Variants in CNTRL observed in about 807,000 individuals in gnomAD.
CNTRL encodes centriolin, also known as 110 kDa centrosomal protein.
A neutral mutation model predicts 303.7 loss-of-function variants in CNTRL; 233 were observed. That is an observed-to-expected ratio of 0.77 (90% confidence interval 0.69 to 0.86). CNTRL has a LOEUF of 0.86. CNTRL is among the 40% of genes least tolerant of loss of function. CNTRL has a pLI of 0.00. For synonymous variants in CNTRL, 900 were observed against 922.2 expected (o/e 0.98, Z 0.44); for missense variants, 2,524 against 2,650.6 (o/e 0.95, Z 1.05).
chr9:121,120,006 T>G (rs1224490915), intron 12 of CNTRL, among the ~76,000 whole-genome samples: 1 of 152,176 alleles, frequency 6.6e-6, no homozygotes, highest in Non-Finnish European at 1.5e-5. Flanking sequence ...CAGGCTCTTG[T>G]CTCTGTCTCT....
rs897335719 is a variant in CNTRL at position 121,142,035 on chromosome 9, T to G, written c.2692-56T>G. The G allele has an allele frequency of 1.3e-5, 18 of 1,412,560 alleles. No homozygotes were observed. In the Admixed American group the frequency reaches 4.7e-4, roughly 37 times the overall value. 87.5% of individuals were successfully genotyped at this position (1,412,560 alleles called of 1,614,324 possible). Reference sequence around the variant, plus strand: ...TGATAATTCTATAAAAAGTTTTTATTTTGCTTAAAACATATTTTGCCTAAA... The same window carrying G: ...TGATAATTCTATAAAAAGTTTTTATGTTGCTTAAAACATATTTTGCCTAAA... On this transcript the variant is annotated intron_variant, in intron 18 of 43. Transcript: ENST00000373855.
chr9:121,115,463 T>G (rs1254789696), intron 11 of CNTRL, among the ~76,000 whole-genome samples: 1 of 152,152 alleles, frequency 6.6e-6, no homozygotes. Context: ...AGAAGTTGCT[T>G]CCTGATCTAT....
intron 10 of CNTRL, 26 bp from the exon 11 acceptor site, chr9:121,115,065 T>G: frequency 1.4e-5 from 19 of 1,388,100 alleles, no homozygotes; most frequent in Non-Finnish European, 1.9e-5. Context: ...TTTCATATTA[T>G]GTGAGCATGG....
Position 121,098,539 on chromosome 9 carries a change from G to A in CNTRL, c.775G>A (p.Asp259Asn). The part of the protein sequence containing the change: ...SLEGQPVTTQ[D>N]RQEAFERFSL... ...GGAAGGTCAGCCAGTAACCACTCAGGATAGACAGGAGGCTTTTGAGAGATT... is the reference window on the plus strand; with the variant it reads ...GGAAGGTCAGCCAGTAACCACTCAGAATAGACAGGAGGCTTTTGAGAGATT... The change falls in exon 7 of 44, where the codon GAT becomes AAT. Residue 259 changes from aspartate to asparagine, a missense_variant. Physicochemically the swap from Asp to Asn is conservative, Grantham distance 23 (BLOSUM62 1). Coordinates refer to ENST00000373855, the MANE Select transcript of CNTRL (RefSeq NM_007018.6). 6.2e-7 allele frequency: 1 copy of A among 1,610,232 alleles called. No homozygotes were observed. Among genetic ancestry groups the A allele is most frequent in the Non-Finnish European group, 8.5e-7 (1 of 1,178,814 alleles).
chr9:121,090,326 A>C lies in CNTRL; in HGVS notation c.269A>C (p.Lys90Thr). ...TATATTACAGAGGCCCTCATTAAAA[A>C]ACTTACTAAACAGGATAATTTGGCT... is the stretch of plus-strand genomic sequence containing the variant. ...VRYITEALIK[K>T]LTKQDNLALI... is the part of the protein sequence containing the mutation. Residue 90 changes from lysine (K) to threonine (T), a missense_variant, in exon 4 of 44, where the codon AAA becomes ACA. Coordinates refer to ENST00000373855, the MANE Select transcript of CNTRL (RefSeq NM_007018.6). 1.2e-6 allele frequency: 2 copies of C among 1,612,710 alleles called. No individual in the cohort carries two copies. Among genetic ancestry groups the C allele is most frequent in the South Asian group, 2.2e-5 (2 of 90,926 alleles).
intron 20 of CNTRL, 78 bp downstream of exon 20, chr9:121,144,160 T>C: frequency 8.0e-7 from 1 of 1,246,174 alleles, no homozygotes; most frequent in Non-Finnish European, 1.1e-6. Context: ...TTATTGATCT[T>C]GCTATAGACA....
rs923795216 is a variant in CNTRL, at chr9:121,116,835, G to A, written c.1456-1511G>A. Among the ~76,000 whole-genome samples the A allele has an allele frequency of 2.0e-5, 3 of 152,182 alleles. 1 individual carries two copies. Among genetic ancestry groups the A allele is most frequent in the East Asian group, 3.9e-4 (2 of 5,194 alleles). The stretch of plus-strand genomic sequence containing the variant: ...GCTGGTGGATGTGGAGAGAAAGCCA[G>A]CTGATTCCAGGAAACACTGGACAGT... On this transcript the variant is annotated intron_variant, in intron 11 of 43. Transcript: ENST00000373855.
intron 36 of CNTRL, among the ~76,000 whole-genome samples, chr9:121,166,434 G>C (rs2053093658): frequency 6.6e-6 from 1 of 152,154 alleles, no homozygotes; most frequent in Non-Finnish European, 1.5e-5. Context: ...CTAGACCAGA[G>C]CCCAGCAGCA....
chr9:121,173,849 C>A lies in CNTRL; in HGVS notation c.6747+112C>A. The A allele has an allele frequency of 8.0e-6, 8 of 1,005,976 alleles. No homozygotes were observed. In the South Asian group the frequency reaches 9.1e-5, roughly 11 times the overall value. 62.3% of individuals were successfully genotyped at this position (1,005,976 alleles called of 1,614,324 possible). On this transcript the variant is annotated intron_variant, in intron 42 of 43. Coordinates refer to ENST00000373855, the MANE Select transcript of CNTRL (RefSeq NM_007018.6). ...TCACATCCATGCTGTTGCAGCCCTGCCAGCAGTGTCAGGGATGGCATGTCT... is the reference window on the plus strand; with the variant it reads ...TCACATCCATGCTGTTGCAGCCCTGACAGCAGTGTCAGGGATGGCATGTCT...
chr9:121,171,643 G>C, intron 40 of CNTRL, 95 bp downstream of exon 40: 6 of 1,235,262 alleles, frequency 4.9e-6, no homozygotes, highest in African/African-American at 1.5e-5. Context: ...TTCTATAGTA[G>C]TATAGAAAAG....
intron 4 of CNTRL, among the ~76,000 whole-genome samples, chr9:121,093,093 C>T (rs2048737880): frequency 6.6e-6 from 1 of 151,702 alleles, no homozygotes; most frequent in Admixed American, 6.6e-5. Flanking sequence ...AGGCATGAGC[C>T]ACCGCGCCCT....
chr9:121,103,116 G>A (rs991835354), intron 7 of CNTRL, among the ~76,000 whole-genome samples: 5 of 152,162 alleles, frequency 3.3e-5, no homozygotes, highest in Non-Finnish European at 7.3e-5. Flanking sequence ...AAAGAACAAA[G>A]CTGGAGGCAT....
intron 7 of CNTRL, among the ~76,000 whole-genome samples, chr9:121,101,923 C>A (rs1288781317): frequency 6.6e-6 from 1 of 152,130 alleles, no homozygotes; most frequent in Middle Eastern, 3.4e-3. Context: ...CCTGCCAACC[C>A]AAAAAAGTCC....
At position 121,118,548 on chromosome 9, in the gene CNTRL, A is replaced by T. The variant is rs1388808693; in HGVS notation, c.1650+8A>T. The T allele has an allele frequency of 6.4e-7, 1 of 1,574,282 alleles. No homozygotes were observed. The highest frequency in any genetic ancestry group is 1.7e-4 in the Middle Eastern group (1 of 5,848). ...TCCAAAGACCCAAAACATGTGAGTA[A>T]ATTAAGAAATTTTGACTTGTTCTGT... is the stretch of plus-strand genomic sequence containing the variant. On this transcript the variant is annotated splice_region_variant and intron_variant, in intron 12 of 43. Transcript: ENST00000373855.
chr9:121,129,415 TCA>T (rs2050726264), intron 14 of CNTRL, among the ~76,000 whole-genome samples: 1 of 152,208 alleles, frequency 6.6e-6, no homozygotes, highest in Non-Finnish European at 1.5e-5. Context: ...GAATGGGAGT[TCA>T]CTCACGATTT....
At chr9:121,158,251 C>T (rs2131694089) in intron 30 of CNTRL, 142 bp downstream of exon 30, 1 of 928,118 alleles carries the variant, frequency 1.1e-6, no homozygotes, top group Admixed American at 2.9e-5. Flanking sequence ...ATTTGAATCC[C>T]AACTCAATAC....
intron 7 of CNTRL, among the ~76,000 whole-genome samples, chr9:121,105,865 G>T (rs1260797462): frequency 2.0e-5 from 3 of 152,284 alleles, no homozygotes; most frequent in East Asian, 3.9e-4. Context: ...TTTGGCTGGA[G>T]ATTTGAAATT....
At chr9:121,089,762 T>C (rs10985150) in intron 3 of CNTRL, among the ~76,000 whole-genome samples, 1 of 152,342 alleles carries the variant, frequency 6.6e-6, no homozygotes, top group East Asian at 1.9e-4. Flanking sequence ...GCAAGTTTTA[T>C]ATTCCTCTGA....
chr9:121,090,437 C>T (rs1405511598), intron 4 of CNTRL, 32 bp downstream of exon 4: 1 of 1,588,038 alleles, frequency 6.3e-7, no homozygotes, highest in South Asian at 1.2e-5. Flanking sequence ...AGCATAGATA[C>T]TGTTTTTAAC....
Sources: allele counts gnomAD v4.1 joint callset (sites outside exome capture counted in the v4.1 genomes callset), GRCh38; gene constraint gnomAD v4.1.1; transcripts MANE v1.5; gene names NCBI Gene and HGNC (gene_info 2026-07-23, HGNC 2026-07-21).